The following GALNTL6 variants were observed in gnomAD, a reference collection of about 807,000 sequenced individuals.
GALNTL6 encodes the protein polypeptide N-acetylgalactosaminyltransferase-like 6.
A neutral mutation model predicts 73.7 loss-of-function variants in GALNTL6; 46 were observed. That is an observed-to-expected ratio of 0.62 (90% confidence interval 0.49 to 0.80). The LOEUF is 0.80. Among genes scored for constraint, GALNTL6 ranks in the 30% least tolerant of loss-of-function variants. The pLI, the probability that GALNTL6 is intolerant of heterozygous loss-of-function variation, is 0.00. For synonymous variants in GALNTL6, 259 were observed against 263.7 expected (o/e 0.98, Z 0.17); for missense variants, 604 against 755.0 (o/e 0.80, Z 2.34).
intron 5 of GALNTL6, among the ~76,000 whole-genome samples, chr4:172,769,739 A>C (rs897823094): frequency 1.3e-5 from 2 of 152,212 alleles, no homozygotes; most frequent in African/African-American, 2.4e-5. Flanking sequence ...TAGAGAGAAA[A>C]GGTTTACACC....
chr4:172,060,973 A>G (rs1034947271), intron 2 of GALNTL6, among the ~76,000 whole-genome samples: 4 of 152,218 alleles, frequency 2.6e-5, no homozygotes, highest in African/African-American at 9.6e-5. Context: ...ATAGATACAT[A>G]GAGCCATCAT....
At chr4:172,359,851 G>A (rs908062398) in intron 5 of GALNTL6, among the ~76,000 whole-genome samples, 12 of 152,162 alleles carry the variant, frequency 7.9e-5, no homozygotes, top group African/African-American at 2.9e-4. Context: ...CATGCATGAT[G>A]AGTAGTGGCA....
At chr4:172,827,693 T>G (rs1462508472) in intron 7 of GALNTL6, among the ~76,000 whole-genome samples, 1 of 152,064 alleles carries the variant, frequency 6.6e-6, no homozygotes, top group Non-Finnish European at 1.5e-5. Context: ...TACTATGTTA[T>G]TTTGAAAGCC....
intron 3 of GALNTL6, among the ~76,000 whole-genome samples, chr4:172,243,241 C>T (rs988424516): frequency 6.6e-6 from 1 of 152,144 alleles, no homozygotes; most frequent in African/African-American, 2.4e-5. Context: ...ACCTACTCTC[C>T]CCTTCCTTAA....
chr4:172,916,463 G>T (rs1579650066), intron 8 of GALNTL6, among the ~76,000 whole-genome samples: 1 of 152,158 alleles, frequency 6.6e-6, no homozygotes, highest in East Asian at 1.9e-4. Flanking sequence ...AATTGTCTCT[G>T]TTTGCAGATG....
chr4:172,217,458 A>G (rs1468069644), intron 2 of GALNTL6, among the ~76,000 whole-genome samples: 1 of 152,128 alleles, frequency 6.6e-6, no homozygotes, highest in Non-Finnish European at 1.5e-5. Context: ...CTAGTCTTCA[A>G]TTTCTTCTAT....
intron 2 of GALNTL6, among the ~76,000 whole-genome samples, chr4:172,084,089 T>G (rs928910393): frequency 2.6e-5 from 4 of 152,138 alleles, no homozygotes; most frequent in Non-Finnish European, 5.9e-5. Context: ...TTGAAGTAGA[T>G]CACAGAGTTG....
chr4:172,472,672 T>C (rs534496432), intron 5 of GALNTL6, among the ~76,000 whole-genome samples: 53 of 152,160 alleles, frequency 3.5e-4, no homozygotes, highest in Non-Finnish European at 7.4e-4. Context: ...GAGAAGACTA[T>C]GCGAAGACTC....
chr4:172,236,932 C>A, intron 3 of GALNTL6, among the ~76,000 whole-genome samples: 1 of 152,202 alleles, frequency 6.6e-6, no homozygotes, highest in East Asian at 1.9e-4. Flanking sequence ...GTGTACTCAA[C>A]GTTTAGTTCT....
chr4:173,005,143 A>G (rs1752217326), intron 10 of GALNTL6, among the ~76,000 whole-genome samples: 1 of 152,016 alleles, frequency 6.6e-6, no homozygotes, highest in Non-Finnish European at 1.5e-5. Flanking sequence ...TTGCAGACCT[A>G]AAGAACTCCT....
intron 3 of GALNTL6, among the ~76,000 whole-genome samples, chr4:172,235,759 C>T (rs1737221369): frequency 1.3e-5 from 2 of 151,960 alleles, no homozygotes; most frequent in South Asian, 4.2e-4. Context: ...CAGCATAGTG[C>T]CCAGTAGGTA....
At chr4:172,230,384 G>A (rs1342716244) in intron 3 of GALNTL6, among the ~76,000 whole-genome samples, 1 of 151,974 alleles carries the variant, frequency 6.6e-6, no homozygotes, top group South Asian at 2.1e-4. Context: ...TCAGGAGATC[G>A]AGACCATCCT....
At chr4:171,990,434 T>A (rs1219605086) in intron 2 of GALNTL6, among the ~76,000 whole-genome samples, 3 of 152,152 alleles carry the variant, frequency 2.0e-5, no homozygotes, top group African/African-American at 7.2e-5. Flanking sequence ...AGAAACAGAA[T>A]GTGAACCCAA....
intron 5 of GALNTL6, among the ~76,000 whole-genome samples, chr4:172,472,607 G>A (rs1321290382): frequency 6.6e-6 from 1 of 152,096 alleles, no homozygotes; most frequent in African/African-American, 2.4e-5. Context: ...GTAGATATGG[G>A]CCCTTATTCC....
intron 7 of GALNTL6, among the ~76,000 whole-genome samples, chr4:172,852,927 G>T (rs968973484): frequency 2.0e-5 from 3 of 152,154 alleles, no homozygotes; most frequent in Non-Finnish European, 4.4e-5. Context: ...ATATATACTA[G>T]AGGAGGGAGA....
chr4:172,739,389 A>G lies in GALNTL6; in HGVS notation c.554-69972A>G, dbSNP rs192229114. Among the ~76,000 whole-genome samples the G allele has an allele frequency of 1.2e-3, 186 of 152,302 alleles. 1 individual carries two copies. Among genetic ancestry groups the G allele is most frequent in the African/African-American group, 4.2e-3 (176 of 41,574 alleles). On this transcript the variant is annotated intron_variant, in intron 5 of 12. Transcript: ENST00000506823. ...AGGAAGTTCATGCTCATTTGTTTGCAGGGTCTCATCAGGGTGTAGGAAGAT... is the reference window on the plus strand; with the variant it reads ...AGGAAGTTCATGCTCATTTGTTTGCGGGGTCTCATCAGGGTGTAGGAAGAT...
intron 5 of GALNTL6, among the ~76,000 whole-genome samples, chr4:172,523,359 T>C (rs1426263285): frequency 6.6e-6 from 1 of 152,024 alleles, no homozygotes; most frequent in Non-Finnish European, 1.5e-5. Flanking sequence ...TTTTTAGCAC[T>C]TTATTTATCT....
intron 5 of GALNTL6, among the ~76,000 whole-genome samples, chr4:172,808,783 T>A (rs1248262708): frequency 6.6e-6 from 1 of 152,214 alleles, no homozygotes; most frequent in Non-Finnish European, 1.5e-5. Flanking sequence ...TCCAAACGAC[T>A]GTATAGTATT....
intron 10 of GALNTL6, among the ~76,000 whole-genome samples, chr4:172,969,555 G>T (rs1461537872): frequency 2.6e-5 from 4 of 151,818 alleles, no homozygotes; most frequent in Non-Finnish European, 4.4e-5. Context: ...GTTAAAACAA[G>T]AAAAAAAATA....
Sources: gnomAD v4.1 joint callset for allele counts (sites outside exome capture counted in the v4.1 genomes callset) on GRCh38, gnomAD v4.1.1 for gene constraint, MANE v1.5 for transcripts, NCBI Gene and HGNC (gene_info 2026-07-23, HGNC 2026-07-21) for gene names.